C9orf85: variants seen among roughly 807,000 people sequenced by gnomAD.
C9orf85 encodes the protein uncharacterized protein C9orf85.
A neutral mutation model predicts 14.9 loss-of-function variants in C9orf85; 16 were observed. The observed-to-expected ratio is 1.08, with a 90% CI of 0.73 to 1.63. The LOEUF (loss-of-function observed/expected upper bound fraction) is 1.63. Among genes scored for constraint, C9orf85 ranks in the 40% most tolerant of loss-of-function variants. The pLI, the probability that C9orf85 is intolerant of heterozygous loss-of-function variation, is 0.00. For synonymous variants in C9orf85, 45 were observed against 56.8 expected, an observed-to-expected ratio of 0.79 and a Z score of 0.93; for missense variants, 172 against 186.1, an observed-to-expected ratio of 0.92 and a Z score of 0.44.
chr9:71,927,503 G>A (rs1001681275), intron 1 of C9orf85, among the ~76,000 whole-genome samples: 3 of 152,106 alleles, frequency 2.0e-5, no homozygotes, highest in Non-Finnish European at 4.4e-5. Flanking sequence ...CAAACCTAGG[G>A]ATTAAAAATA....
chr9:71,951,244 G>A (rs144645009), intron 2 of C9orf85, among the ~76,000 whole-genome samples: 2,100 of 152,240 alleles, frequency 0.014, 43 homozygotes, highest in African/African-American at 0.047. Flanking sequence ...ACTTAAGTTG[G>A]AAGAGAGATG....
chr9:71,913,648 C>T (rs952326957), intron 1 of C9orf85, among the ~76,000 whole-genome samples: 2 of 152,202 alleles, frequency 1.3e-5, no homozygotes, highest in East Asian at 1.9e-4. Flanking sequence ...TAGATGTCTG[C>T]GTCTTGTGTA....
chr9:71,962,147 C>CA lies in C9orf85; in HGVS notation c.210-9357dup, dbSNP rs1224253336. ...CACTACTGTACTCCAGCCTGGGCGA[C>CA]AGAGTGAGACCCTGTCTCAAAAAAT... On this transcript the variant is annotated intron_variant, in intron 2 of 3. Transcript: ENST00000334731. Among the ~76,000 whole-genome samples, 13 of 152,296 alleles carry CA rather than the reference C, an allele frequency of 8.5e-5. 1 individual carries two copies. In the East Asian group the frequency reaches 2.5e-3, roughly 29 times the overall value.
chr9:71,923,073 T>C (rs748399942), intron 1 of C9orf85, among the ~76,000 whole-genome samples: 1 of 152,156 alleles, frequency 6.6e-6, no homozygotes, highest in Non-Finnish European at 1.5e-5. Flanking sequence ...GAGGTTGCAG[T>C]GAGCTGAGGT....
chr9:71,960,188 G>A (rs1822479224), intron 2 of C9orf85, among the ~76,000 whole-genome samples: 1 of 152,220 alleles, frequency 6.6e-6, no homozygotes. Flanking sequence ...AATAATCACA[G>A]TGATAGGAAA....
chr9:71,971,699 C>T (rs544748270), intron 3 of C9orf85, 81 bp downstream of exon 3: 31 of 968,702 alleles, frequency 3.2e-5, no homozygotes, highest in Middle Eastern at 5.7e-4. Flanking sequence ...CCTTGCTAGG[C>T]GCAGTGGCTC....
chr9:71,969,948 T>G (rs1305489835), intron 2 of C9orf85, among the ~76,000 whole-genome samples: 2 of 15,176 alleles, frequency 1.3e-4, no homozygotes, highest in Admixed American at 1.4e-3. Context: ...TTCAGGGTTT[T>G]TTCTTTTTTT....
chr9:71,958,001 T>C (rs1183448907), intron 2 of C9orf85, among the ~76,000 whole-genome samples: 4 of 152,068 alleles, frequency 2.6e-5, no homozygotes, highest in Non-Finnish European at 5.9e-5. Flanking sequence ...ATGTATCCTT[T>C]CTAGTGGAAT....
At chr9:71,944,389 A>AGTTC (rs1271530248) in intron 1 of C9orf85, among the ~76,000 whole-genome samples, 1 of 151,888 alleles carries the variant, frequency 6.6e-6, no homozygotes, top group African/African-American at 2.4e-5. Flanking sequence ...CTGATTCCTA[A>AGTTC]GTTCAGTGGA....
rs142458505 is a variant in C9orf85 at position 71,953,280 on chromosome 9, C to T, written c.209+6168C>T. Among the ~76,000 whole-genome samples the T allele has an allele frequency of 3.6e-3, 554 of 152,268 alleles. 3 individuals are homozygous for T. The highest frequency in any genetic ancestry group is 0.012 in the African/African-American group (516 of 41,536). On this transcript the variant is annotated intron_variant, in intron 2 of 3. Coordinates refer to ENST00000334731, the MANE Select transcript of C9orf85 (RefSeq NM_182505.5). ...GTATCTTAGTTCAGTGGTTTTCAAA[C>T]TTTTCAGCTGTCAAATTCTTTAATA...
chr9:71,947,172 A>C, intron 2 of C9orf85, 60 bp downstream of exon 2: 2 of 1,141,806 alleles, frequency 1.8e-6, no homozygotes, highest in Non-Finnish European at 2.5e-6. Context: ...TTATTATTTC[A>C]TTTCCTGATT....
At chr9:71,940,501 T>C (rs1461867574) in intron 1 of C9orf85, among the ~76,000 whole-genome samples, 4 of 152,182 alleles carry the variant, frequency 2.6e-5, no homozygotes, top group Admixed American at 2.0e-4. Flanking sequence ...TCAACATTAT[T>C]AGTTATTAGA....
chr9:71,924,306 A>G (rs1233732207), intron 1 of C9orf85, among the ~76,000 whole-genome samples: 1 of 152,118 alleles, frequency 6.6e-6, no homozygotes, highest in African/African-American at 2.4e-5. Context: ...TATGGCAAAC[A>G]TTTTCTTTGA....
intron 1 of C9orf85, among the ~76,000 whole-genome samples, chr9:71,939,086 A>G (rs963983968): frequency 9.9e-5 from 15 of 151,696 alleles, no homozygotes; most frequent in Non-Finnish European, 1.6e-4. Flanking sequence ...TAAAATTTCT[A>G]TATTTTGAAT....
intron 1 of C9orf85, among the ~76,000 whole-genome samples, chr9:71,944,471 T>C (rs1247259087): frequency 6.6e-6 from 1 of 152,108 alleles, no homozygotes; most frequent in African/African-American, 2.4e-5. Flanking sequence ...AAATGACCTT[T>C]ATAGGCTTTT....
At chr9:71,961,439 T>C (rs148577496) in intron 2 of C9orf85, among the ~76,000 whole-genome samples, 2 of 152,008 alleles carry the variant, frequency 1.3e-5, no homozygotes, top group African/African-American at 4.8e-5. Context: ...CATGCACCTG[T>C]AGTCCCAGCT....
At chr9:71,982,287 C>T (rs1488798001) in intron 3 of C9orf85, among the ~76,000 whole-genome samples, 1 of 151,748 alleles carries the variant, frequency 6.6e-6, no homozygotes, top group African/African-American at 2.4e-5. Context: ...ATTTTGTTTA[C>T]CCCTTCAAAT....
intron 1 of C9orf85, among the ~76,000 whole-genome samples, chr9:71,914,722 C>T (rs1564080231): frequency 1.3e-5 from 2 of 152,058 alleles, no homozygotes; most frequent in African/African-American, 4.8e-5. Context: ...CAAACTTGGA[C>T]CAGGGAATCA....
rs1199325405 is a variant in C9orf85 at position 71,911,828 on chromosome 9, C to T, written c.94C>T (p.Gln32Ter). ...FKNDKFDKSVQTKKINAKLHD... is the reference protein window; with the variant it reads ...FKNDKFDKSV ...AAATGACAAGTTCGATAAAAGTGTG[C>T]AGACCAAGGTAGGAACCTGCCTGTT... Residue 32 changes from glutamine (Q) to a stop codon, truncating the protein, a stop_gained, in exon 1 of 4, where the codon CAG becomes TAG. Coordinates refer to ENST00000334731, the MANE Select transcript of C9orf85 (RefSeq NM_182505.5). LOFTEE classifies it high-confidence loss of function. 10 of 1,613,840 alleles carry T rather than the reference C, an allele frequency of 6.2e-6. No homozygotes were observed. The highest frequency in any genetic ancestry group is 8.5e-6 in the Non-Finnish European group (10 of 1,179,804).
Sources: allele counts gnomAD v4.1 joint callset (sites outside exome capture counted in the v4.1 genomes callset), GRCh38; gene constraint gnomAD v4.1.1; transcripts MANE v1.5; gene names NCBI Gene and HGNC (gene_info 2026-07-23, HGNC 2026-07-21).